SLC35F1: variants seen among roughly 807,000 people sequenced by gnomAD.
SLC35F1 encodes the protein chromosome 6 open reading frame 169.
In SLC35F1, 14 loss-of-function variants were observed where a neutral mutation model predicts 48.7. That is an observed-to-expected ratio of 0.29 (90% CI 0.19 to 0.45). The LOEUF is 0.45. Ranked by LOEUF, SLC35F1 falls within the 20% of genes least tolerant of loss-of-function variation. SLC35F1 has a pLI of 1.00. For missense variants in SLC35F1, 404 were observed against 500.0 expected, an observed-to-expected ratio of 0.81 and a Z score of 1.83; for synonymous variants, 190 against 202.2, an observed-to-expected ratio of 0.94 and a Z score of 0.51.
At chr6:118,089,619 CA>C (rs1373237363) in intron 1 of SLC35F1, among the ~76,000 whole-genome samples, 1 of 152,150 alleles carries the variant, frequency 6.6e-6, no homozygotes, top group Non-Finnish European at 1.5e-5. Flanking sequence ...CAACAACACA[CA>C]CAAAGAGGCC....
At chr6:118,050,701 C>A (rs763015587) in intron 1 of SLC35F1, among the ~76,000 whole-genome samples, 4 of 152,116 alleles carry the variant, frequency 2.6e-5, no homozygotes, top group African/African-American at 9.7e-5. Context: ...GGAATGGGGA[C>A]TAGCAGAAGC....
chr6:117,909,246 C>T (rs548483270), intron 1 of SLC35F1, among the ~76,000 whole-genome samples: 1 of 152,042 alleles, frequency 6.6e-6, no homozygotes, highest in South Asian at 2.1e-4. Flanking sequence ...AAGACGCTGG[C>T]TCAGTACATA....
Position 118,314,307 on chromosome 6 carries a change from C to A in SLC35F1, c.*55C>A. The A allele has an allele frequency of 6.7e-7, 1 of 1,501,196 alleles. No individual in the cohort carries two copies. The highest frequency in any genetic ancestry group is 9.3e-7 in the Non-Finnish European group (1 of 1,080,728). 93.0% of individuals were successfully genotyped at this position (1,501,196 alleles called of 1,614,324 possible). On this transcript the variant is annotated 3_prime_UTR_variant, in exon 8 of 8. Coordinates refer to ENST00000360388, the MANE Select transcript of SLC35F1 (RefSeq NM_001029858.4). ...ACTCATTGGCCATGTTTTTGCCCAT[C>A]ATCTCTGTATTGTACATAGAGAAAG...
At chr6:118,006,878 T>A (rs937374024) in intron 1 of SLC35F1, among the ~76,000 whole-genome samples, 3 of 152,146 alleles carry the variant, frequency 2.0e-5, no homozygotes, top group African/African-American at 7.2e-5. Context: ...GTTACATGCA[T>A]GTTACACACA....
In SLC35F1 at chr6:117,929,453, ATGTGTGTGTG is replaced by A. The variant is rs143634465; in HGVS notation, c.173+21580_173+21589del. Among the ~76,000 whole-genome samples, 53 of 146,090 alleles carry A rather than the reference ATGTGTGTGTG, an allele frequency of 3.6e-4. No homozygotes were observed. In the South Asian group the frequency reaches 8.2e-3, roughly 23 times the overall value. ...CATTTGTATATATGTGTATGTATTTATGTGTGTGTGTGTGTGTGTGTGTGTGTGTGTGTGT... is the reference window on the plus strand; with the variant it reads ...CATTTGTATATATGTGTATGTATTTATGTGTGTGTGTGTGTGTGTGTGTGT... On this transcript the variant is annotated intron_variant, in intron 1 of 7. Coordinates refer to ENST00000360388, the MANE Select transcript of SLC35F1 (RefSeq NM_001029858.4).
intron 1 of SLC35F1, among the ~76,000 whole-genome samples, chr6:118,089,824 A>C (rs1252201448): frequency 1.3e-5 from 2 of 152,222 alleles, no homozygotes; most frequent in African/African-American, 4.8e-5. Flanking sequence ...ATCAGCCTCC[A>C]ATTTGACTTT....
chr6:118,113,259 A>G (rs1773434179), intron 1 of SLC35F1, among the ~76,000 whole-genome samples: 1 of 151,976 alleles, frequency 6.6e-6, no homozygotes, highest in Non-Finnish European at 1.5e-5. Context: ...GCTAATTTTT[A>G]AACTTTTTGT....
chr6:117,974,743 G>T (rs1776684736), intron 1 of SLC35F1, among the ~76,000 whole-genome samples: 1 of 152,118 alleles, frequency 6.6e-6, no homozygotes. Context: ...CATGTCCAAA[G>T]AACAAAAGTA....
chr6:118,029,880 C>A (rs1772020304), intron 1 of SLC35F1, among the ~76,000 whole-genome samples: 1 of 152,162 alleles, frequency 6.6e-6, no homozygotes, highest in African/African-American at 2.4e-5. Flanking sequence ...TTCCTACTTA[C>A]TAGGCTTTGC....
intron 1 of SLC35F1, among the ~76,000 whole-genome samples, chr6:118,036,481 A>G (rs1248704716): frequency 1.3e-5 from 2 of 152,202 alleles, no homozygotes; most frequent in Non-Finnish European, 2.9e-5. Flanking sequence ...AATATTCTGC[A>G]GTCGTAAGAT....
chr6:118,094,993 A>G (rs1049000072), intron 1 of SLC35F1, among the ~76,000 whole-genome samples: 4 of 150,008 alleles, frequency 2.7e-5, no homozygotes, highest in African/African-American at 9.8e-5. Context: ...GTAGCCAGGC[A>G]TGATGGTGTG....
chr6:118,025,265 A>G (rs1327123539), intron 1 of SLC35F1, among the ~76,000 whole-genome samples: 1 of 152,168 alleles, frequency 6.6e-6, no homozygotes, highest in Non-Finnish European at 1.5e-5. Flanking sequence ...TTTGAGGAGC[A>G]CAAGTTAGAT....
At chr6:118,281,204 C>CTCTCTCTCTATA (rs367855949) in intron 6 of SLC35F1, among the ~76,000 whole-genome samples, 3 of 130,486 alleles carry the variant, frequency 2.3e-5, no homozygotes, top group African/African-American at 5.8e-5. Context: ...CTCTCTCTCT[C>CTCTCTCTCTATA]TATATATATA....
intron 1 of SLC35F1, among the ~76,000 whole-genome samples, chr6:118,056,589 A>G (rs1424549870): frequency 6.6e-6 from 1 of 152,236 alleles, no homozygotes; most frequent in Non-Finnish European, 1.5e-5. Flanking sequence ...ACAGTTCTTC[A>G]ACTCAAATCT....
At chr6:118,008,804 A>G (rs1777207660) in intron 1 of SLC35F1, among the ~76,000 whole-genome samples, 1 of 152,196 alleles carries the variant, frequency 6.6e-6, no homozygotes, top group African/African-American at 2.4e-5. Flanking sequence ...GGGGAATAAC[A>G]ATCTTTAATA....
intron 1 of SLC35F1, among the ~76,000 whole-genome samples, chr6:118,065,819 T>C (rs1772606419): frequency 6.6e-6 from 1 of 152,244 alleles, no homozygotes; most frequent in Non-Finnish European, 1.5e-5. Context: ...TACTCATTTT[T>C]GCATAATTTT....
At chr6:118,001,689 A>T (rs9481756) in intron 1 of SLC35F1, among the ~76,000 whole-genome samples, 1 of 151,896 alleles carries the variant, frequency 6.6e-6, no homozygotes, top group African/African-American at 2.4e-5. Flanking sequence ...GAAAATTTTC[A>T]CATCCTACTT....
chr6:117,923,630 T>TATAC lies in SLC35F1; in HGVS notation c.173+15734_173+15735insCATA, dbSNP rs1582564172. Among the ~76,000 whole-genome samples the TATAC allele has an allele frequency of 3.3e-5, 3 of 90,836 alleles. 1 individual carries two copies. The highest frequency in any genetic ancestry group is 8.0e-5 in the African/African-American group (2 of 25,034). 59.6% of individuals were successfully genotyped at this position (90,836 alleles called of 152,430 possible). On this transcript the variant is annotated intron_variant, in intron 1 of 7. Coordinates refer to ENST00000360388, the MANE Select transcript of SLC35F1 (RefSeq NM_001029858.4). ...ATACATATACATATGTATATATACATATATGTACATATGTACATATGTACA... is the reference window on the plus strand; with the variant it reads ...ATACATATACATATGTATATATACATATACATATGTACATATGTACATATGTACA...
chr6:118,285,480 G>A (rs1776038344), intron 7 of SLC35F1, 142 bp downstream of exon 7: 1 of 893,082 alleles, frequency 1.1e-6, no homozygotes, highest in Non-Finnish European at 1.8e-6. Context: ...CATGATTTAG[G>A]TATTCACATT....
Sources: gnomAD v4.1 joint callset for allele counts (sites outside exome capture counted in the v4.1 genomes callset) on GRCh38, gnomAD v4.1.1 for gene constraint, MANE v1.5 for transcripts, NCBI Gene and HGNC (gene_info 2026-07-23, HGNC 2026-07-21) for gene names.